XIRP2: variants seen among roughly 807,000 people sequenced by gnomAD.
The protein encoded by XIRP2 is xin actin-binding repeat-containing protein 2.
A neutral mutation model predicts 277.0 loss-of-function variants in XIRP2; 236 were observed. The observed-to-expected ratio is 0.85, with a 90% CI of 0.77 to 0.95. The LOEUF is 0.95. XIRP2 is among the 40% of genes least tolerant of loss of function. XIRP2 has a pLI of 0.00. For missense variants in XIRP2, 4,640 were observed against 4,157.5 expected (o/e 1.12, Z -3.19); for synonymous variants, 1,490 against 1,416.5 (o/e 1.05, Z -1.17).
chr2:166,998,967 TA>T (rs1188310649), intron 2 of XIRP2, among the ~76,000 whole-genome samples: 2 of 152,178 alleles, frequency 1.3e-5, no homozygotes, highest in Non-Finnish European at 1.5e-5. Flanking sequence ...TTAAGGTAAT[TA>T]AATCCTAGAA....
At chr2:167,197,760 T>C (rs1352058767) in intron 3 of XIRP2, among the ~76,000 whole-genome samples, 2 of 152,292 alleles carry the variant, frequency 1.3e-5, no homozygotes, top group South Asian at 2.1e-4. Context: ...AGAAACCCAA[T>C]TGCTTTTTAC....
chr2:166,948,073 A>AT (rs1685928511), intron 2 of XIRP2, among the ~76,000 whole-genome samples: 1 of 152,108 alleles, frequency 6.6e-6, no homozygotes, highest in South Asian at 2.1e-4. Context: ...AAGAGGATGA[A>AT]TAGAAGTAGC....
chr2:167,158,096 A>G (rs1160613819), intron 3 of XIRP2, among the ~76,000 whole-genome samples: 1 of 152,214 alleles, frequency 6.6e-6, no homozygotes, highest in Non-Finnish European at 1.5e-5. Flanking sequence ...TAAAGATAAC[A>G]AAAGAAGAAT....
intron 2 of XIRP2, among the ~76,000 whole-genome samples, chr2:167,129,716 T>C (rs1389542913): frequency 6.6e-6 from 1 of 151,602 alleles, no homozygotes; most frequent in Admixed American, 6.6e-5. Context: ...ACTGAAAATA[T>C]AAAATTAGGC....
intron 4 of XIRP2, among the ~76,000 whole-genome samples, chr2:167,214,128 A>AGGAAGGAAGGAAGGAG (rs1694152562): frequency 7.9e-6 from 1 of 125,912 alleles, no homozygotes. Context: ...GAAGGAAGGA[A>AGGAAGGAAGGAAGGAG]GGAAGGAAGC....
At chr2:167,177,087 T>G (rs73025711) in intron 3 of XIRP2, among the ~76,000 whole-genome samples, 15,034 of 152,220 alleles carry the variant, frequency 0.099, 799 homozygotes, top group South Asian at 0.15. Flanking sequence ...CTTTGTGCCT[T>G]GGACTTAAAA....
chr2:167,181,613 C>T (rs1037298078), intron 3 of XIRP2, among the ~76,000 whole-genome samples: 1 of 151,960 alleles, frequency 6.6e-6, no homozygotes, highest in South Asian at 2.1e-4. Context: ...AAGGAAGCTT[C>T]CTTATTATAC....
At chr2:166,913,546 G>C (rs770559223) in intron 2 of XIRP2, among the ~76,000 whole-genome samples, 8 of 152,186 alleles carry the variant, frequency 5.3e-5, no homozygotes, top group Non-Finnish European at 1.2e-4. Context: ...CCAGGTCATA[G>C]AAGTTTTAAG....
At chr2:167,169,296 G>A (rs1051651528) in intron 3 of XIRP2, among the ~76,000 whole-genome samples, 2 of 152,170 alleles carry the variant, frequency 1.3e-5, no homozygotes, top group Non-Finnish European at 2.9e-5. Context: ...ACCAGGTAGT[G>A]CTCCTGAAGG....
chr2:167,201,565 T>C (rs995453001), intron 3 of XIRP2, among the ~76,000 whole-genome samples: 1 of 152,186 alleles, frequency 6.6e-6, no homozygotes, highest in Non-Finnish European at 1.5e-5. Context: ...TCTGTTCAAC[T>C]GGACCTATCC....
chr2:167,009,896 A>G (rs181194367), intron 2 of XIRP2, among the ~76,000 whole-genome samples: 2 of 151,928 alleles, frequency 1.3e-5, no homozygotes, highest in Admixed American at 1.3e-4. Flanking sequence ...TCCTTCACCC[A>G]CTTTTTGATG....
At chr2:166,957,624 A>T (rs979863764) in intron 2 of XIRP2, among the ~76,000 whole-genome samples, 3 of 151,784 alleles carry the variant, frequency 2.0e-5, no homozygotes, top group African/African-American at 7.2e-5. Flanking sequence ...TAAAGCAATT[A>T]TACTCCCTAA....
At chr2:166,967,131 G>A (rs900272579) in intron 2 of XIRP2, among the ~76,000 whole-genome samples, 4 of 151,840 alleles carry the variant, frequency 2.6e-5, no homozygotes, top group Non-Finnish European at 4.4e-5. Context: ...CTGATAATGA[G>A]AGTAGTGGGA....
chr2:167,220,787 C>A (rs896422368), intron 5 of XIRP2, among the ~76,000 whole-genome samples: 1 of 152,174 alleles, frequency 6.6e-6, no homozygotes, highest in Non-Finnish European at 1.5e-5. Context: ...AAGTTCTCAG[C>A]ATATGGTTTT....
chr2:166,998,556 G>A (rs1006291118), intron 2 of XIRP2, among the ~76,000 whole-genome samples: 1 of 152,140 alleles, frequency 6.6e-6, no homozygotes, highest in African/African-American at 2.4e-5. Flanking sequence ...AGAATGGCGT[G>A]AACCCAGGGG....
intron 3 of XIRP2, among the ~76,000 whole-genome samples, chr2:167,195,811 G>A (rs1398814016): frequency 2.0e-5 from 3 of 152,188 alleles, no homozygotes; most frequent in African/African-American, 7.2e-5. Flanking sequence ...TCAAAACAAA[G>A]GCCAGAAACA....
At chr2:167,013,592 C>CTA (rs1022331382) in intron 2 of XIRP2, among the ~76,000 whole-genome samples, 19 of 150,988 alleles carry the variant, frequency 1.3e-4, no homozygotes, top group South Asian at 4.2e-4. Context: ...AATATAAAGA[C>CTA]TATATATATA....
chr2:167,217,778 A>T lies in XIRP2; in HGVS notation c.724-388A>T, dbSNP rs1228936626. Among the ~76,000 whole-genome samples the T allele has an allele frequency of 2.6e-5, 4 of 152,192 alleles. No individual in the cohort carries two copies. The South Asian group carries it at 6.2e-4, about 24-fold the overall frequency. ...TCTTAATAATGTGTTCCCTATATAG[A>T]TGTTTGGGATTTTAATGACAACTTT... On this transcript the variant is annotated intron_variant, in intron 4 of 10. Transcript: ENST00000409195.
intron 2 of XIRP2, among the ~76,000 whole-genome samples, chr2:166,936,809 A>G (rs180718621): frequency 1.3e-5 from 2 of 152,098 alleles, no homozygotes; most frequent in Admixed American, 6.5e-5. Context: ...TGTTTTGGTT[A>G]CTGTAGCCTT....
Sources: allele counts gnomAD v4.1 joint callset (sites outside exome capture counted in the v4.1 genomes callset), GRCh38; gene constraint gnomAD v4.1.1; transcripts MANE v1.5; gene names NCBI Gene and HGNC (gene_info 2026-07-23, HGNC 2026-07-21).